The following PKD2 variants were observed in gnomAD, a reference collection of about 807,000 sequenced individuals.
PKD2 encodes the protein polycystin-2.
Under a neutral mutation model 105.9 loss-of-function variants are expected in PKD2, and 48 were observed. That is an observed-to-expected ratio of 0.45 (90% CI 0.36 to 0.58). PKD2 has a LOEUF of 0.58. Ranked by LOEUF, PKD2 falls within the 20% of genes least tolerant of loss-of-function variation. PKD2 has a pLI of 0.00. For synonymous variants in PKD2, 464 were observed against 481.1 expected (o/e 0.96, Z 0.46); for missense variants, 1,078 against 1,255.3 (o/e 0.86, Z 2.13).
intron 5 of PKD2, among the ~76,000 whole-genome samples, chr4:88,043,775 G>A (rs1727666941): frequency 6.6e-6 from 1 of 152,122 alleles, no homozygotes; most frequent in African/African-American, 2.4e-5. Flanking sequence ...GATGGTTAGT[G>A]CCACATGTTC....
intron 13 of PKD2, among the ~76,000 whole-genome samples, chr4:88,074,222 C>T (rs1440035012): frequency 6.6e-6 from 1 of 152,120 alleles, no homozygotes; most frequent in Non-Finnish European, 1.5e-5. Context: ...GATCACGGCT[C>T]ACTGCAGCCT....
intron 7 of PKD2, among the ~76,000 whole-genome samples, chr4:88,054,944 A>G (rs1185269668): frequency 1.3e-5 from 2 of 151,976 alleles, no homozygotes; most frequent in African/African-American, 2.4e-5. Context: ...TTGAGCCACC[A>G]CGCCCGGCCT....
intron 5 of PKD2, among the ~76,000 whole-genome samples, chr4:88,045,488 G>A (rs1727733367): frequency 6.6e-6 from 1 of 152,206 alleles, no homozygotes; most frequent in Non-Finnish European, 1.5e-5. Flanking sequence ...CAGGTTCCAG[G>A]TGCGGCTACC....
chr4:88,061,836 AT>A (rs1262092321), intron 9 of PKD2, 69 bp from the exon 10 acceptor site: 11 of 803,518 alleles, frequency 1.4e-5, no homozygotes, highest in Non-Finnish European at 2.0e-5. Context: ...GGCATGTGTC[AT>A]TTTTTTGATT....
intron 7 of PKD2, among the ~76,000 whole-genome samples, chr4:88,053,588 C>G (rs1296028953): frequency 2.0e-5 from 3 of 150,124 alleles, no homozygotes; most frequent in Non-Finnish European, 4.4e-5. Context: ...ATCCAGAAGG[C>G]GGAGGGTGCA....
Position 88,007,666 on chromosome 4 carries a change from A to C in PKD2, c.-68A>C, listed in dbSNP as rs547865163. ...CGGCGGGCGCCGGGAAGAAAGGAAC[A>C]TGGCTCCTGAGGCGCACAGCGCCGA... On this transcript the variant is annotated 5_prime_UTR_variant, in exon 1 of 15. It removes an upstream start codon present in the reference 5' UTR. Transcript: ENST00000237596. 1.1e-5 allele frequency: 11 copies of C among 1,026,232 alleles called. No individual in the cohort carries two copies. The highest frequency in any genetic ancestry group is 6.8e-5 in the East Asian group (1 of 14,622). The allele number at this position is 1,026,232 out of a possible 1,614,324, so 63.6% of individuals were successfully genotyped here. A position where few individuals can be genotyped will look rare whatever the true frequency, so the allele number is the denominator to read the frequency against.
intron 2 of PKD2, among the ~76,000 whole-genome samples, chr4:88,029,464 T>G (rs1238384962): frequency 2.6e-5 from 4 of 152,076 alleles, no homozygotes; most frequent in Admixed American, 2.6e-4. Context: ...CAGCCTGAAC[T>G]CATCTCCCAC....
At chr4:88,060,053 G>A (rs1322365558) in intron 9 of PKD2, among the ~76,000 whole-genome samples, 1 of 152,180 alleles carries the variant, frequency 6.6e-6, no homozygotes, top group African/African-American at 2.4e-5. Context: ...AGGAGGGTGA[G>A]CTAGCTTCCT....
At chr4:88,073,867 G>C (rs1260173558) in intron 13 of PKD2, among the ~76,000 whole-genome samples, 4 of 152,150 alleles carry the variant, frequency 2.6e-5, no homozygotes, top group African/African-American at 9.7e-5. Flanking sequence ...ACTAAAGAGA[G>C]AGTCTACAGA....
chr4:88,053,688 C>T (rs1360664367), intron 7 of PKD2, among the ~76,000 whole-genome samples: 5 of 151,696 alleles, frequency 3.3e-5, no homozygotes, highest in Non-Finnish European at 7.4e-5. Context: ...AGACTTTATC[C>T]TGTATTTCTC....
In PKD2 at chr4:88,011,489, C is replaced by T. The variant is rs902277517; in HGVS notation, c.595+3161C>T. Reference sequence around the variant, plus strand: ...TAGAGAGGGTATTCCAGGTTGAATACCTGGAATAATGAATGAAATAATAAG... The same window carrying T: ...TAGAGAGGGTATTCCAGGTTGAATATCTGGAATAATGAATGAAATAATAAG... On this transcript the variant is annotated intron_variant, in intron 1 of 14. Coordinates refer to ENST00000237596, the MANE Select transcript of PKD2 (RefSeq NM_000297.4). Among the ~76,000 whole-genome samples the T allele has an allele frequency of 1.1e-4, 16 of 151,778 alleles. No homozygotes were observed. In the South Asian group the frequency reaches 2.7e-3, roughly 26 times the overall value.
intron 7 of PKD2, among the ~76,000 whole-genome samples, chr4:88,053,100 C>G (rs1720171996): frequency 6.6e-6 from 1 of 152,192 alleles, no homozygotes; most frequent in South Asian, 2.1e-4. Flanking sequence ...TCTGATTGTG[C>G]TGTCCAGACA....
chr4:88,052,906 G>A (rs1046315798), intron 7 of PKD2, among the ~76,000 whole-genome samples: 1 of 152,130 alleles, frequency 6.6e-6, no homozygotes, highest in African/African-American at 2.4e-5. Flanking sequence ...AATTAAGGTT[G>A]GAACAGACAC....
intron 2 of PKD2, among the ~76,000 whole-genome samples, chr4:88,021,399 A>G (rs1726742513): frequency 6.6e-6 from 1 of 152,206 alleles, no homozygotes; most frequent in Non-Finnish European, 1.5e-5. Context: ...TCACATAATG[A>G]ATTGGTTTTC....
At chr4:88,014,843 G>A (rs1726507175) in intron 1 of PKD2, among the ~76,000 whole-genome samples, 1 of 152,172 alleles carries the variant, frequency 6.6e-6, no homozygotes, top group Non-Finnish European at 1.5e-5. Flanking sequence ...CTACAGACAG[G>A]CCTCTTCCAA....
At chr4:88,047,364 C>T (rs1727816358) in intron 6 of PKD2, among the ~76,000 whole-genome samples, 1 of 150,910 alleles carries the variant, frequency 6.6e-6, no homozygotes, top group Admixed American at 6.6e-5. Context: ...CAAGCCCAGC[C>T]AGGGTAACAT....
intron 6 of PKD2, among the ~76,000 whole-genome samples, chr4:88,049,816 A>G (rs953158743): frequency 1.3e-5 from 2 of 152,050 alleles, no homozygotes; most frequent in East Asian, 1.9e-4. Context: ...TCTTTCCCCA[A>G]CATATGTTCT....
intron 2 of PKD2, among the ~76,000 whole-genome samples, chr4:88,023,293 A>G (rs1003034724): frequency 6.6e-6 from 1 of 152,016 alleles, no homozygotes; most frequent in Non-Finnish European, 1.5e-5. Flanking sequence ...CAGGAGCAAG[A>G]GAGAGAGAAT....
chr4:88,042,796 G>C (rs1480613665), intron 4 of PKD2, among the ~76,000 whole-genome samples: 1 of 152,182 alleles, frequency 6.6e-6, no homozygotes, highest in Admixed American at 6.5e-5. Flanking sequence ...CTGAATATTT[G>C]TGGATGAAAT....
Sources: gnomAD v4.1 joint callset for allele counts (sites outside exome capture counted in the v4.1 genomes callset) on GRCh38, gnomAD v4.1.1 for gene constraint, MANE v1.5 for transcripts, NCBI Gene and HGNC (gene_info 2026-07-23, HGNC 2026-07-21) for gene names.